Variants in CDK2AP1 observed in about 807,000 individuals in gnomAD.
CDK2AP1 encodes the protein cyclin dependent kinase 2 associated protein 1, also known as cyclin-dependent kinase 2-associated protein 1.
A neutral mutation model predicts 14.1 loss-of-function variants in CDK2AP1; 10 were observed. That is an observed-to-expected ratio of 0.71 (90% confidence interval 0.44 to 1.20). CDK2AP1 has a LOEUF of 1.20. Among genes scored for constraint, CDK2AP1 ranks in the 50% most tolerant of loss-of-function variants. CDK2AP1 has a pLI of 0.00. For missense variants in CDK2AP1, 102 were observed against 149.9 expected, an observed-to-expected ratio of 0.68 and a Z score of 1.67; for synonymous variants, 59 against 59.8, an observed-to-expected ratio of 0.99 and a Z score of 0.06.
At chr12:123,264,502 TC>T (rs1171916985) in intron 3 of CDK2AP1, among the ~76,000 whole-genome samples, 1 of 114,800 alleles carries the variant, frequency 8.7e-6, no homozygotes, top group Non-Finnish European at 1.8e-5. Flanking sequence ...GAGCCCCAAG[TC>T]TCCCCTCATC....
chr12:123,270,471 C>T (rs570355949), intron 1 of CDK2AP1, among the ~76,000 whole-genome samples: 1 of 152,272 alleles, frequency 6.6e-6, no homozygotes, highest in South Asian at 2.1e-4. Context: ...CGGTGACCAA[C>T]GGGGCCACTC....
Position 123,267,255 on chromosome 12 carries a change from C to CTGGT in CDK2AP1, c.79_82dup (p.Ser28AsnfsTer15). ...GCGGTACTGTGAAGACGTTGCCATG[C>CTGGT]TGGTGGAAGGCGAGTGGACACTCCC... On this transcript the variant is annotated frameshift_variant, in exon 2 of 4. Coordinates refer to ENST00000261692, the MANE Select transcript of CDK2AP1 (RefSeq NM_004642.4). LOFTEE classifies it high-confidence loss of function. 2 of 1,613,062 alleles carry CTGGT rather than the reference C, an allele frequency of 1.2e-6. No homozygotes were observed. The highest frequency in any genetic ancestry group is 1.7e-6 in the Non-Finnish European group (2 of 1,179,278).
In CDK2AP1 at chr12:123,261,521, C is replaced by G; in HGVS notation, c.*215G>C. 1 of 474,666 alleles carries G rather than the reference C, an allele frequency of 2.1e-6. No homozygotes were observed. The highest frequency in any genetic ancestry group is 3.8e-6 in the Non-Finnish European group (1 of 265,934). 29.4% of individuals were successfully genotyped at this position (474,666 alleles called of 1,614,324 possible). A position where few individuals can be genotyped will look rare whatever the true frequency, so the allele number is the denominator to read the frequency against. ...ATCAATGCTTAAAAAACAAAAAAAA[C>G]CTGGGCAGTTCCTAACTACTTAAAA... On this transcript the variant is annotated 3_prime_UTR_variant, in exon 4 of 4. Transcript: ENST00000261692.
Position 123,261,356 on chromosome 12 carries a change from A to C in CDK2AP1, c.*380T>G, listed in dbSNP as rs954010807. On this transcript the variant is annotated 3_prime_UTR_variant, in exon 4 of 4. Coordinates refer to ENST00000261692, the MANE Select transcript of CDK2AP1 (RefSeq NM_004642.4). ...AATATGCGTTCAAAACAAAATCCCT[A>C]CAGTGGTATTAGCTTATGAAAAGGA... 1.1e-5 allele frequency: 2 copies of C among 184,152 alleles called. No homozygotes were observed. Among genetic ancestry groups the C allele is most frequent in the Non-Finnish European group, 2.3e-5 (2 of 87,422 alleles). The allele number at this position is 184,152 out of a possible 1,614,324, so 11.4% of individuals were successfully genotyped here.
At chr12:123,270,961 G>A (rs1250592400) in intron 1 of CDK2AP1, 8 of 984,920 alleles carry the variant, frequency 8.1e-6, no homozygotes, top group Non-Finnish European at 9.6e-6. Flanking sequence ...CCGGGCCTCC[G>A]AGTACGCTGC....
At chr12:123,269,717 G>A (rs2048336253) in intron 1 of CDK2AP1, among the ~76,000 whole-genome samples, 1 of 152,212 alleles carries the variant, frequency 6.6e-6, no homozygotes, top group Admixed American at 6.5e-5. Flanking sequence ...GTCTAACTCC[G>A]CCACTGCCAC....
intron 1 of CDK2AP1, chr12:123,267,556 C>T (rs954819459): frequency 2.5e-6 from 1 of 398,758 alleles, no homozygotes; most frequent in South Asian, 2.4e-5. Flanking sequence ...AGGGCTGCTC[C>T]CAAAGATAAA....
chr12:123,264,233 TG>T (rs1230793796), intron 3 of CDK2AP1, among the ~76,000 whole-genome samples: 1 of 151,732 alleles, frequency 6.6e-6, no homozygotes, highest in Non-Finnish European at 1.5e-5. Flanking sequence ...CCAAGGCAGG[TG>T]GATCACCTGA....
At position 123,270,253 on chromosome 12, in the gene CDK2AP1, G is replaced by A. The variant is rs545182171; in HGVS notation, c.55+1311C>T. Reference sequence around the variant, plus strand: ...AATGTTTGAGAAAAAAACAGTGGCTGTTTGCTCTTTGGGACTCCGAGCCCA... The same window carrying A: ...AATGTTTGAGAAAAAAACAGTGGCTATTTGCTCTTTGGGACTCCGAGCCCA... On this transcript the variant is annotated intron_variant, in intron 1 of 3. Coordinates refer to ENST00000261692, the MANE Select transcript of CDK2AP1 (RefSeq NM_004642.4). 7.1e-5 allele frequency: 69 copies of A among 966,414 alleles called. No individual in the cohort carries two copies. The South Asian group carries it at 2.2e-3, about 30-fold the overall frequency. 59.9% of individuals were successfully genotyped at this position (966,414 alleles called of 1,614,324 possible).
rs55960300 is a variant in CDK2AP1, at chr12:123,265,507, G to GA, written c.154-186dup. Among the ~76,000 whole-genome samples, 33 of 140,444 alleles carry GA rather than the reference G, an allele frequency of 2.3e-4. No individual in the cohort carries two copies. The highest frequency in any genetic ancestry group is 3.2e-4 in the African/African-American group (12 of 37,638). The allele number at this position is 140,444 out of a possible 152,430, so 92.1% of individuals were successfully genotyped here. ...AACAGAGCGAGACTCCATCTCGGGG[G>GA]AAAAAAAAAAAAAAGGGTTCAGCAG... On this transcript the variant is annotated intron_variant, in intron 2 of 3. Transcript: ENST00000261692. The surrounding 1 kb of genome is among the most constrained non-coding windows in gnomAD (Gnocchi z 5.3).
At chr12:123,271,360 G>A (rs1415195229) in intron 1 of CDK2AP1, among the ~76,000 whole-genome samples, 1 of 147,302 alleles carries the variant, frequency 6.8e-6, no homozygotes, top group African/African-American at 2.4e-5. Context: ...ACCCCCAGCC[G>A]AGGCCCTCGG....
intron 1 of CDK2AP1, chr12:123,270,325 T>C (rs2048342908): frequency 4.2e-6 from 1 of 240,100 alleles, no homozygotes; most frequent in Non-Finnish European, 6.7e-6. Context: ...GCTTAACCCT[T>C]TCCTGCCCCT....
intron 3 of CDK2AP1, among the ~76,000 whole-genome samples, chr12:123,264,805 G>A (rs563838852): frequency 2.0e-5 from 3 of 152,280 alleles, no homozygotes; most frequent in African/African-American, 7.2e-5. Flanking sequence ...GCAGAGGGCA[G>A]TGCAGGCACC....
In CDK2AP1 at chr12:123,271,672, G is replaced by C; in HGVS notation, c.-54C>G. 1.3e-6 allele frequency: 1 copy of C among 749,664 alleles called. No homozygotes were observed. Among genetic ancestry groups the C allele is most frequent in the Non-Finnish European group, 1.6e-6 (1 of 617,354 alleles). 46.4% of individuals were successfully genotyped at this position (749,664 alleles called of 1,614,324 possible). ...GGCGGGGCCAGGCCGCGAGGGCGGC[G>C]GCGGCGGCGGCGAGGCCGGGCGGTA... On this transcript the variant is annotated 5_prime_UTR_variant, in exon 1 of 4. Transcript: ENST00000261692.
In CDK2AP1 at chr12:123,261,652, CAA is replaced by C. The variant is rs1450599536; in HGVS notation, c.*82_*83del. ...AACGAAACTGTAACCATTTTGAAAA[CAA>C]GGGTTTCATCTGAACAGGGGAGATG... On this transcript the variant is annotated 3_prime_UTR_variant, in exon 4 of 4. Transcript: ENST00000261692. 4.4e-6 allele frequency: 5 copies of C among 1,141,104 alleles called. No individual in the cohort carries two copies. The highest frequency in any genetic ancestry group is 1.5e-5 in the African/African-American group (1 of 66,160). 70.7% of individuals were successfully genotyped at this position (1,141,104 alleles called of 1,614,324 possible). A position where few individuals can be genotyped will look rare whatever the true frequency, so the allele number is the denominator to read the frequency against.
At chr12:123,264,816 G>A (rs2048272072) in intron 3 of CDK2AP1, among the ~76,000 whole-genome samples, 1 of 152,142 alleles carries the variant, frequency 6.6e-6, no homozygotes, top group Admixed American at 6.5e-5. Flanking sequence ...TGCAGGCACC[G>A]ATGAACCCTG....
chr12:123,268,518 G>A (rs1463382924), intron 1 of CDK2AP1, among the ~76,000 whole-genome samples: 2 of 152,252 alleles, frequency 1.3e-5, no homozygotes, highest in Non-Finnish European at 2.9e-5. Context: ...AACGGGGACC[G>A]TTCCGAGCTG....
chr12:123,267,404 C>T (rs1418879898), intron 1 of CDK2AP1, 122 bp from the exon 2 acceptor site: 9 of 680,444 alleles, frequency 1.3e-5, no homozygotes, highest in Non-Finnish European at 2.2e-5. Flanking sequence ...GGATGGAGAA[C>T]CCTGCTCTCC....
chr12:123,270,229 A>C (rs1246105328), intron 1 of CDK2AP1: 1 of 983,284 alleles, frequency 1.0e-6, no homozygotes, highest in Non-Finnish European at 1.2e-6. Context: ...GGAGGTGAGA[A>C]TGTTTGAGAA....
Sources: gnomAD v4.1 joint callset for allele counts (sites outside exome capture counted in the v4.1 genomes callset) on GRCh38, gnomAD v4.1.1 for gene constraint, Gnocchi (gnomAD v3.1) non-coding constraint, MANE v1.5 for transcripts, NCBI Gene and HGNC (gene_info 2026-07-23, HGNC 2026-07-21) for gene names.